Variants in MCTP1 observed in about 807,000 individuals in gnomAD.
MCTP1 encodes the protein multiple C2 and transmembrane domain containing 1.
In MCTP1, 69 loss-of-function variants were observed where a neutral mutation model predicts 120.6. The observed-to-expected ratio is 0.57, with a 90% confidence interval of 0.47 to 0.70. MCTP1 has a LOEUF of 0.70. Among genes scored for constraint, MCTP1 ranks in the 30% least tolerant of loss-of-function variants. The pLI is 0.00. For synonymous variants in MCTP1, 529 were observed against 493.1 expected (o/e 1.07, Z -0.96); for missense variants, 1,203 against 1,248.8 (o/e 0.96, Z 0.55).
At chr5:94,921,684 T>A (rs1811703355) in intron 7 of MCTP1, among the ~76,000 whole-genome samples, 1 of 152,240 alleles carries the variant, frequency 6.6e-6, no homozygotes, top group Non-Finnish European at 1.5e-5. Context: ...AATGTGACTA[T>A]GGAAGATAAT....
intron 17 of MCTP1, among the ~76,000 whole-genome samples, chr5:94,853,760 C>T (rs918242707): frequency 6.6e-6 from 1 of 151,908 alleles, no homozygotes; most frequent in African/African-American, 2.4e-5. Context: ...TTTACACCTG[C>T]TTGTACATAA....
Position 94,902,283 on chromosome 5 carries a change from C to T in MCTP1, c.1652+6968G>A, listed in dbSNP as rs568836594. On this transcript the variant is annotated intron_variant, in intron 10 of 22. Transcript: ENST00000515393. ...CCCTACTTGAGCTCTATGTCAGCCACGATATAGCTCACAAAGCAGTGGTAC... is the reference window on the plus strand; with the variant it reads ...CCCTACTTGAGCTCTATGTCAGCCATGATATAGCTCACAAAGCAGTGGTAC... 3.0e-3 allele frequency among the ~76,000 whole-genome samples: 458 copies of T among 152,194 alleles called. 1 individual carries two copies. Among genetic ancestry groups the T allele is most frequent in the African/African-American group, 0.011 (437 of 41,516 alleles).
At chr5:95,019,314 T>C (rs1837739515) in intron 1 of MCTP1, among the ~76,000 whole-genome samples, 1 of 152,050 alleles carries the variant, frequency 6.6e-6, no homozygotes, top group African/African-American at 2.4e-5. Flanking sequence ...ATTTCAAGTA[T>C]ACAATTCAGT....
intron 19 of MCTP1, among the ~76,000 whole-genome samples, chr5:94,777,209 A>G (rs568601483): frequency 1.9e-4 from 29 of 152,298 alleles, no homozygotes; most frequent in African/African-American, 6.7e-4. Context: ...CTCACTTTCA[A>G]TCAACTTTGG....
intron 19 of MCTP1, among the ~76,000 whole-genome samples, chr5:94,736,846 T>C (rs1422170226): frequency 2.0e-5 from 3 of 152,218 alleles, no homozygotes; most frequent in Non-Finnish European, 4.4e-5. Flanking sequence ...GAGAGGTCAC[T>C]GCATTATTTT....
At chr5:94,828,263 C>T (rs962289056) in intron 17 of MCTP1, among the ~76,000 whole-genome samples, 9 of 152,168 alleles carry the variant, frequency 5.9e-5, no homozygotes, top group African/African-American at 2.2e-4. Context: ...CCCTGTTTGC[C>T]TGGGTATCAC....
rs567611452 is a variant in MCTP1, at chr5:95,149,101, C to T, written c.721-131617G>A. On this transcript the variant is annotated intron_variant, in intron 1 of 22. Coordinates refer to ENST00000515393, the MANE Select transcript of MCTP1 (RefSeq NM_024717.7). ...TCTGTGGTTGGAAAGAGAGAGATGG[C>T]CCCCTCACCAAGTCCACTTCTGTGT... Among the ~76,000 whole-genome samples, 3 of 152,292 alleles carry T rather than the reference C, an allele frequency of 2.0e-5. No homozygotes were observed. In the South Asian group the frequency reaches 6.2e-4, roughly 32 times the overall value.
At chr5:95,078,375 C>T (rs1039660785) in intron 1 of MCTP1, among the ~76,000 whole-genome samples, 2 of 152,138 alleles carry the variant, frequency 1.3e-5, no homozygotes, top group African/African-American at 2.4e-5. Context: ...TTCTGCCCCA[C>T]CTGCACATCA....
intron 2 of MCTP1, chr5:94,976,596 G>T (rs1368593074): frequency 1.3e-5 from 2 of 152,190 alleles, no homozygotes; most frequent in East Asian, 1.9e-4. Flanking sequence ...CCAGAATAAA[G>T]GTGTTTGGAT....
chr5:94,793,969 C>G (rs1294254081), intron 18 of MCTP1, among the ~76,000 whole-genome samples: 1 of 152,172 alleles, frequency 6.6e-6, no homozygotes, highest in African/African-American at 2.4e-5. Context: ...ATATTCAGTA[C>G]TATTCTAAAA....
chr5:95,250,221 C>A (rs756486100), intron 1 of MCTP1, among the ~76,000 whole-genome samples: 1 of 152,088 alleles, frequency 6.6e-6, no homozygotes, highest in South Asian at 2.1e-4. Context: ...TAGCCTGTTA[C>A]GAAATGTTGA....
intron 11 of MCTP1, among the ~76,000 whole-genome samples, chr5:94,893,255 TTAATATACGGGA>T (rs1328012579): frequency 6.6e-6 from 1 of 152,232 alleles, no homozygotes; most frequent in East Asian, 1.9e-4. Flanking sequence ...GCAGTATCCC[TTAATATACGGGA>T]TAATATCAAA....
At chr5:95,016,055 G>C (rs1581854007) in intron 2 of MCTP1, among the ~76,000 whole-genome samples, 1 of 152,078 alleles carries the variant, frequency 6.6e-6, no homozygotes, top group African/African-American at 2.4e-5. Flanking sequence ...TTGGAAACAG[G>C]CAGTTCAATT....
At chr5:95,248,725 A>C (rs1188602990) in intron 1 of MCTP1, among the ~76,000 whole-genome samples, 1 of 152,176 alleles carries the variant, frequency 6.6e-6, no homozygotes, top group Non-Finnish European at 1.5e-5. Context: ...AATCCTAAGC[A>C]AAAAGAACAA....
chr5:94,798,620 T>C (rs972094762), intron 18 of MCTP1, among the ~76,000 whole-genome samples: 1 of 152,182 alleles, frequency 6.6e-6, no homozygotes, highest in Non-Finnish European at 1.5e-5. Context: ...ACAAAGAATC[T>C]ATCTGTCTTA....
intron 1 of MCTP1, among the ~76,000 whole-genome samples, chr5:95,253,747 T>C (rs1211297533): frequency 1.3e-5 from 2 of 152,136 alleles, no homozygotes; most frequent in Non-Finnish European, 2.9e-5. Flanking sequence ...TCTGATAAGA[T>C]GTTTCATTTC....
chr5:94,816,315 T>A (rs999658958), intron 17 of MCTP1, among the ~76,000 whole-genome samples: 3 of 152,158 alleles, frequency 2.0e-5, no homozygotes, highest in Non-Finnish European at 2.9e-5. Context: ...TATCCATAAA[T>A]ATTAAGTAAT....
rs578087544 is a variant in MCTP1, at chr5:95,091,794, T to G, written c.721-74310A>C. Among the ~76,000 whole-genome samples, 4 of 152,354 alleles carry G rather than the reference T, an allele frequency of 2.6e-5. No individual in the cohort carries two copies. The South Asian group carries it at 8.3e-4, about 32-fold the overall frequency. The stretch of plus-strand genomic sequence containing the variant: ...TTTTGAATAAAATAAAATGGTAGTT[T>G]TAAGCTGCTAGGTTTCAGCTAATTT... On this transcript the variant is annotated intron_variant, in intron 1 of 22. Transcript: ENST00000515393.
chr5:94,787,286 G>A (rs1383672444), intron 18 of MCTP1, among the ~76,000 whole-genome samples: 1 of 152,088 alleles, frequency 6.6e-6, no homozygotes. Flanking sequence ...CAGTTACTAA[G>A]GTGCTTTAAA....
Sources: gnomAD v4.1 joint callset for allele counts (sites outside exome capture counted in the v4.1 genomes callset) on GRCh38, gnomAD v4.1.1 for gene constraint, MANE v1.5 for transcripts, NCBI Gene and HGNC (gene_info 2026-07-23, HGNC 2026-07-21) for gene names.